Variants in DET1 observed in about 807,000 individuals in gnomAD.
The protein encoded by DET1 is DET1 homolog.
Under a neutral mutation model 43.7 loss-of-function variants are expected in DET1, and 22 were observed. The ratio of observed to expected loss-of-function variants is 0.50; its 90% CI spans 0.36 to 0.72. The LOEUF (loss-of-function observed/expected upper bound fraction) is 0.72. Among genes scored for constraint, DET1 ranks in the 30% least tolerant of loss-of-function variants. The pLI, the probability that DET1 is intolerant of heterozygous loss-of-function variation, is 0.00. For missense variants in DET1, 713 were observed against 713.3 expected (o/e 1.00, Z 0.00); for synonymous variants, 315 against 266.2 (o/e 1.18, Z -1.79).
rs1392824115 is a variant in DET1, at chr15:88,531,131, G to A, written c.575C>T (p.Ser192Phe). 1.2e-6 allele frequency: 2 copies of A among 1,613,858 alleles called. No homozygotes were observed. Among genetic ancestry groups the A allele is most frequent in the Non-Finnish European group, 1.7e-6 (2 of 1,179,902 alleles). The change falls in exon 2 of 5, where the codon TCC becomes TTC. Residue 192 changes from serine to phenylalanine, a missense_variant. Coordinates refer to ENST00000268148, the MANE Select transcript of DET1 (RefSeq NM_001144074.3). The surrounding 1 kb of genome is among the most constrained non-coding windows in gnomAD (Gnocchi z 6.2). Reference sequence around the variant, plus strand: ...GGTGTGAAGGTCAATGATATGGAGGGAATAGTCTTCTAGAGGGGACCGTGG... The same window carrying A: ...GGTGTGAAGGTCAATGATATGGAGGAAATAGTCTTCTAGAGGGGACCGTGG... ...PNPRSPLEDYSLHIIDLHTGR... is the reference protein window; with the variant it reads ...PNPRSPLEDYFLHIIDLHTGR...
chr15:88,518,259 A>T (rs961369199), intron 3 of DET1, among the ~76,000 whole-genome samples: 2 of 151,892 alleles, frequency 1.3e-5, no homozygotes, highest in African/African-American at 4.8e-5. Context: ...TAAATTTAAT[A>T]CTCTTTGACA....
intron 1 of DET1, among the ~76,000 whole-genome samples, chr15:88,538,787 A>G (rs1021156915): frequency 6.6e-6 from 1 of 152,148 alleles, no homozygotes; most frequent in Non-Finnish European, 1.5e-5. Context: ...CTTCCGGAGG[A>G]GAGTGGATCG....
chr15:88,525,325 C>G (rs1234286252), intron 3 of DET1, among the ~76,000 whole-genome samples: 1 of 152,010 alleles, frequency 6.6e-6, no homozygotes, highest in African/African-American at 2.4e-5. Flanking sequence ...GTGAGGGTAC[C>G]CCCAATTTTT....
intron 7 of DET1, among the ~76,000 whole-genome samples, chr15:88,506,562 C>T (rs920556801): frequency 5.1e-5 from 4 of 78,426 alleles, no homozygotes; most frequent in Admixed American, 4.7e-4. Flanking sequence ...GCATGCATTG[C>T]AGAGAACCGT....
intron 1 of DET1, among the ~76,000 whole-genome samples, chr15:88,536,850 C>A (rs2056966175): frequency 6.8e-6 from 1 of 147,236 alleles, no homozygotes; most frequent in African/African-American, 2.6e-5. Flanking sequence ...AAAAGCATGA[C>A]ATGGCACATT....
At position 88,531,336 on chromosome 15, in the gene DET1, AG is replaced by A; in HGVS notation, c.369del (p.Phe125LeufsTer16). The A allele has an allele frequency of 6.2e-7, 1 of 1,614,006 alleles. No individual in the cohort carries two copies. Among genetic ancestry groups the A allele is most frequent in the Non-Finnish European group, 8.5e-7 (1 of 1,179,880 alleles). ...SVNIRGRLFE[R>X]FFVLLHITNV... ...TTGGTAATGTGCAGCAGGACAAAAAAGCGTTCAAAGAGCCGGCCCCGGATAT... is the reference window on the plus strand; with the variant it reads ...TTGGTAATGTGCAGCAGGACAAAAAACGTTCAAAGAGCCGGCCCCGGATAT... On this transcript the variant is annotated frameshift_variant, in exon 2 of 5. Transcript: ENST00000268148. LOFTEE classifies it high-confidence loss of function. The surrounding 1 kb of genome is among the most constrained non-coding windows in gnomAD (Gnocchi z 6.2).
intron 1 of DET1, among the ~76,000 whole-genome samples, chr15:88,538,425 C>T (rs1433033583): frequency 1.3e-5 from 2 of 150,928 alleles, no homozygotes; most frequent in Non-Finnish European, 2.9e-5. Context: ...TTTCCTGTAA[C>T]CATTTATCCT....
chr15:88,530,083 G>A (rs1203257562), intron 2 of DET1, among the ~76,000 whole-genome samples: 1 of 152,188 alleles, frequency 6.6e-6, no homozygotes, highest in African/African-American at 2.4e-5. Flanking sequence ...CAAGGTCAGG[G>A]TAAAGTCACA....
At position 88,516,629 on chromosome 15, in the gene DET1, G is replaced by C. The variant is rs1257251724; in HGVS notation, c.1463+153C>G. Reference sequence around the variant, plus strand: ...GGAGACTAGCACCTAAATGATCACAGCTCTCACTGCATTATAGAAATAGCC... The same window carrying C: ...GGAGACTAGCACCTAAATGATCACACCTCTCACTGCATTATAGAAATAGCC... On this transcript the variant is annotated intron_variant, in intron 4 of 4. Transcript: ENST00000268148. The surrounding 1 kb of genome is among the most constrained non-coding windows in gnomAD (Gnocchi z 4.4). Among the ~76,000 whole-genome samples the C allele has an allele frequency of 6.6e-6, 1 of 152,162 alleles. No homozygotes were observed. Among genetic ancestry groups the C allele is most frequent in the Admixed American group, 6.5e-5 (1 of 15,280 alleles).
chr15:88,508,419 T>G (rs2056164412), downstream of DET1, among the ~76,000 whole-genome samples: 1 of 152,162 alleles, frequency 6.6e-6, no homozygotes, highest in Non-Finnish European at 1.5e-5. Flanking sequence ...TCCTTATTGT[T>G]TAAGCCAGAA....
chr15:88,516,637 T>C lies in DET1; in HGVS notation c.1463+145A>G, dbSNP rs1567058920. 3.2e-6 allele frequency: 2 copies of C among 632,204 alleles called. No individual in the cohort carries two copies. The highest frequency in any genetic ancestry group is 5.0e-6 in the Non-Finnish European group (2 of 399,816). The allele number at this position is 632,204 out of a possible 1,614,324, so 39.2% of individuals were successfully genotyped here. On this transcript the variant is annotated intron_variant, in intron 4 of 4. Transcript: ENST00000268148. This position sits in a 1 kb window ranked among gnomAD's most constrained non-coding sequence, Gnocchi z 4.4. ...GCACCTAAATGATCACAGCTCTCAC[T>C]GCATTATAGAAATAGCCTGCCTTTT...
intron 4 of DET1, among the ~76,000 whole-genome samples, chr15:88,515,562 A>AAAAAAAAAAT (rs2056322467): frequency 6.7e-6 from 1 of 150,118 alleles, no homozygotes; most frequent in Non-Finnish European, 1.5e-5. Flanking sequence ...AAAAAAAAAA[A>AAAAAAAAAAT]AAAAAAGACC....
chr15:88,530,659 C>G lies in DET1; in HGVS notation c.1047G>C (p.Glu349Asp). 1 of 1,612,748 alleles carries G rather than the reference C, an allele frequency of 6.2e-7. No homozygotes were observed. Among genetic ancestry groups the G allele is most frequent in the Non-Finnish European group, 8.5e-7 (1 of 1,179,242 alleles). The change falls in exon 2 of 5, where the codon GAG becomes GAC. Residue 349 changes from glutamate (E) to aspartate (D), a missense_variant. By Grantham distance (45) the Glu-to-Asp change is conservative (BLOSUM62 2). Transcript: ENST00000268148. ...CTGTGACTCGCAGTGTTACTACATCCTCACTAGTGTACTTGATAAACAGGT... is the reference window on the plus strand; with the variant it reads ...CTGTGACTCGCAGTGTTACTACATCGTCACTAGTGTACTTGATAAACAGGT... ...ENHLFIKYTS[E>D]DVVTLRVTDP...
Position 88,512,954 on chromosome 15 carries a change from C to A in DET1, c.1650G>T (p.Thr550=). The change falls in exon 5 of 5, where the codon ACG becomes ACT. Residue 550 remains threonine, a synonymous_variant. Coordinates refer to ENST00000268148, the MANE Select transcript of DET1 (RefSeq NM_001144074.3). ...VVNFHMRHCC[T] is the part of the protein sequence containing the mutation. Reference sequence around the variant, plus strand: ...TAATCTGGCTCTGGTGAGGCACCTACGTGCAGCAGTGTCGCATATGGAAGT... The same window carrying A: ...TAATCTGGCTCTGGTGAGGCACCTAAGTGCAGCAGTGTCGCATATGGAAGT... 3.1e-6 allele frequency: 5 copies of A among 1,613,328 alleles called. No homozygotes were observed. The highest frequency in any genetic ancestry group is 4.2e-6 in the Non-Finnish European group (5 of 1,179,284).
At chr15:88,523,036 C>T (rs1004021770) in intron 3 of DET1, among the ~76,000 whole-genome samples, 1 of 151,886 alleles carries the variant, frequency 6.6e-6, no homozygotes, top group Admixed American at 6.6e-5. Context: ...GCGCATGCCA[C>T]CACACCCAGC....
chr15:88,546,570 G>A lies in DET1; in HGVS notation c.-41C>T, dbSNP rs1039955117. 1 of 152,406 alleles carries A rather than the reference G, an allele frequency of 6.6e-6. No homozygotes were observed. Among genetic ancestry groups the A allele is most frequent in the Non-Finnish European group, 1.5e-5 (1 of 68,160 alleles). The allele number at this position is 152,406 out of a possible 1,614,324, so 9.4% of individuals were successfully genotyped here. A position where few individuals can be genotyped will look rare whatever the true frequency, so the allele number is the denominator to read the frequency against. Reference sequence around the variant, plus strand: ...TGGTCCGGGCTCAAAGAGCCAGGGCGAGGGATGCCCCAGCCTGTTCTGTGC... The same window carrying A: ...TGGTCCGGGCTCAAAGAGCCAGGGCAAGGGATGCCCCAGCCTGTTCTGTGC... On this transcript the variant is annotated 5_prime_UTR_variant, in exon 1 of 5. Transcript: ENST00000268148.
At chr15:88,519,491 A>G (rs942598315) in intron 3 of DET1, among the ~76,000 whole-genome samples, 1 of 151,660 alleles carries the variant, frequency 6.6e-6, no homozygotes, top group African/African-American at 2.4e-5. Context: ...CTCTCCAACC[A>G]TCTTCTCTCC....
intron 3 of DET1, among the ~76,000 whole-genome samples, chr15:88,524,047 C>G (rs540378174): frequency 6.6e-6 from 1 of 150,686 alleles, no homozygotes; most frequent in South Asian, 2.1e-4. Context: ...CGTCTCTGCC[C>G]GGCCGCCCAT....
intron 4 of DET1, 47 bp from the exon 5 acceptor site, chr15:88,513,187 T>TATTCACCATCGA (rs1304159075): frequency 2.0e-6 from 3 of 1,529,298 alleles, no homozygotes. Flanking sequence ...ACAGGATTGA[T>TATTCACCATCGA]ATTCACCATC....
Sources: allele counts gnomAD v4.1 joint callset (sites outside exome capture counted in the v4.1 genomes callset), GRCh38; gene constraint gnomAD v4.1.1; non-coding constraint Gnocchi (gnomAD v3.1); transcripts MANE v1.5; gene names NCBI Gene and HGNC (gene_info 2026-07-23, HGNC 2026-07-21).